Variants in RBFOX1 observed in about 807,000 individuals in gnomAD.
RBFOX1 encodes RNA binding fox-1 homolog 1, also known as RNA binding protein fox-1 homolog 1.
A neutral mutation model predicts 57.7 loss-of-function variants in RBFOX1; 8 were observed. That is an observed-to-expected ratio of 0.14 (90% CI 0.08 to 0.25). The LOEUF is 0.25. RBFOX1 is among the 10% of genes least tolerant of loss of function. The pLI is 1.00. For synonymous variants in RBFOX1, 326 were observed against 222.4 expected (o/e 1.47, Z -4.15); for missense variants, 611 against 548.5 (o/e 1.11, Z -1.14).
chr16:5,250,744 A>T (rs1183259997), intron 1 of RBFOX1, among the ~76,000 whole-genome samples: 3 of 152,142 alleles, frequency 2.0e-5, no homozygotes, highest in Admixed American at 2.0e-4. Flanking sequence ...TGACGTGTGG[A>T]TGCACCACGC....
intron 2 of RBFOX1, among the ~76,000 whole-genome samples, chr16:6,460,153 A>C (rs904976328): frequency 2.0e-5 from 3 of 151,430 alleles, no homozygotes; most frequent in Non-Finnish European, 4.4e-5. Flanking sequence ...TTATTTTCTC[A>C]TAGTTCTGGA....
intron 3 of RBFOX1, among the ~76,000 whole-genome samples, chr16:6,971,509 G>GCT (rs1555696367): frequency 6.7e-6 from 1 of 149,828 alleles, no homozygotes; most frequent in Non-Finnish European, 1.5e-5. Flanking sequence ...AGAGAGAGTT[G>GCT]GTGTGTGTGT....
chr16:6,592,167 C>G (rs1244398664), intron 2 of RBFOX1, among the ~76,000 whole-genome samples: 1 of 152,118 alleles, frequency 6.6e-6, no homozygotes, highest in Non-Finnish European at 1.5e-5. Flanking sequence ...TCTTTCTGTC[C>G]CTCCTTTAAC....
At chr16:6,923,727 C>G (rs1007608831) in intron 3 of RBFOX1, among the ~76,000 whole-genome samples, 1 of 152,092 alleles carries the variant, frequency 6.6e-6, no homozygotes. Flanking sequence ...AGAAGGCCAG[C>G]AAAGTGGTCA....
intron 1 of RBFOX1, among the ~76,000 whole-genome samples, chr16:6,238,191 A>G (rs1026437302): frequency 3.3e-5 from 5 of 152,004 alleles, no homozygotes; most frequent in Non-Finnish European, 7.4e-5. Flanking sequence ...ACATAAAAAT[A>G]TTGCTATTAC....
intron 2 of RBFOX1, among the ~76,000 whole-genome samples, chr16:6,362,006 C>G (rs2088637508): frequency 6.6e-6 from 1 of 152,028 alleles, no homozygotes; most frequent in Non-Finnish European, 1.5e-5. Flanking sequence ...ACAAGCAAAG[C>G]CTTCATGCTC....
intron 3 of RBFOX1, among the ~76,000 whole-genome samples, chr16:7,010,590 C>T (rs373307534): frequency 6.6e-6 from 1 of 151,822 alleles, no homozygotes; most frequent in South Asian, 2.1e-4. Flanking sequence ...TTCTCTGTCA[C>T]CCAGGCTAGA....
At chr16:5,517,315 A>C (rs374899938) in intron 2 of RBFOX1, among the ~76,000 whole-genome samples, 2 of 151,902 alleles carry the variant, frequency 1.3e-5, no homozygotes, top group Non-Finnish European at 2.9e-5. Flanking sequence ...GTGGACTGCC[A>C]TCCCTGTTTT....
intron 3 of RBFOX1, among the ~76,000 whole-genome samples, chr16:5,713,968 C>G (rs777315127): frequency 1.3e-5 from 2 of 152,172 alleles, no homozygotes; most frequent in Non-Finnish European, 1.5e-5. Flanking sequence ...CTCAAATCTG[C>G]TGAGCTTTTT....
intron 3 of RBFOX1, among the ~76,000 whole-genome samples, chr16:6,792,570 C>T (rs1007471842): frequency 6.6e-6 from 1 of 152,160 alleles, no homozygotes; most frequent in Non-Finnish European, 1.5e-5. Flanking sequence ...CACTCAACGC[C>T]ATGTAGTACT....
chr16:6,275,715 TAAC>T (rs2075732378), intron 1 of RBFOX1, among the ~76,000 whole-genome samples: 1 of 152,170 alleles, frequency 6.6e-6, no homozygotes, highest in Non-Finnish European at 1.5e-5. Context: ...TTGGAGGAAT[TAAC>T]AGTTTACTAA....
chr16:6,936,758 G>A (rs1012032357), intron 3 of RBFOX1, among the ~76,000 whole-genome samples: 1 of 151,900 alleles, frequency 6.6e-6, no homozygotes, highest in African/African-American at 2.4e-5. Context: ...ATACTGTATT[G>A]GTAATTCAAA....
At chr16:7,176,457 C>T (rs773784560) in intron 4 of RBFOX1, among the ~76,000 whole-genome samples, 14 of 151,978 alleles carry the variant, frequency 9.2e-5, no homozygotes, top group Non-Finnish European at 1.9e-4. Context: ...ATTATGTGTA[C>T]GAGGTATCTA....
chr16:6,670,869 G>T (rs979076535), intron 3 of RBFOX1, among the ~76,000 whole-genome samples: 1 of 151,864 alleles, frequency 6.6e-6, no homozygotes, highest in Admixed American at 6.6e-5. Context: ...GCATGGTGGC[G>T]GGAGCCTGTA....
intron 1 of RBFOX1, among the ~76,000 whole-genome samples, chr16:5,425,691 G>C (rs1343497470): frequency 6.6e-6 from 1 of 152,198 alleles, no homozygotes; most frequent in Non-Finnish European, 1.5e-5. Context: ...TGGTGCAGGG[G>C]CAGGGGAGAG....
chr16:6,764,498 G>C (rs540696934), intron 3 of RBFOX1, among the ~76,000 whole-genome samples: 1 of 152,080 alleles, frequency 6.6e-6, no homozygotes, highest in Non-Finnish European at 1.5e-5. Flanking sequence ...TTCATCCCAC[G>C]GATGCTTATT....
chr16:5,523,061 G>C (rs564959848), intron 2 of RBFOX1, among the ~76,000 whole-genome samples: 1 of 152,038 alleles, frequency 6.6e-6, no homozygotes, highest in African/African-American at 2.4e-5. Context: ...GCTGAGCTGG[G>C]TGGATCACAA....
chr16:6,794,921 A>AG, intron 3 of RBFOX1, among the ~76,000 whole-genome samples: 1 of 152,264 alleles, frequency 6.6e-6, no homozygotes, highest in East Asian at 1.9e-4. Flanking sequence ...TTCACAGATG[A>AG]GCAAACTGAG....
chr16:7,612,034 A>C (rs1171809827), intron 10 of RBFOX1, among the ~76,000 whole-genome samples: 1 of 152,084 alleles, frequency 6.6e-6, no homozygotes, highest in Non-Finnish European at 1.5e-5. Flanking sequence ...TTCAAGACAA[A>C]TGATTTGCCG....
Sources: allele counts gnomAD v4.1 joint callset (sites outside exome capture counted in the v4.1 genomes callset), GRCh38; gene constraint gnomAD v4.1.1; transcripts MANE v1.5; gene names NCBI Gene and HGNC (gene_info 2026-07-23, HGNC 2026-07-21).